CDH12: variants seen among roughly 807,000 people sequenced by gnomAD.
CDH12 encodes the protein cadherin 12.
CDH12 carries 41 observed loss-of-function variants against 74.1 expected under a neutral mutation model. That is an observed-to-expected ratio of 0.55 (90% CI 0.43 to 0.72). The LOEUF is 0.72. CDH12 is among the 30% of genes least tolerant of loss of function. The pLI, the probability that CDH12 is intolerant of heterozygous loss-of-function variation, is 0.00. For synonymous variants in CDH12, 399 were observed against 355.0 expected (o/e 1.12, Z -1.39); for missense variants, 945 against 977.2 (o/e 0.97, Z 0.44).
At chr5:22,677,785 G>A (rs1332830445) in intron 1 of CDH12, among the ~76,000 whole-genome samples, 1 of 152,054 alleles carries the variant, frequency 6.6e-6, no homozygotes, top group African/African-American at 2.4e-5. Flanking sequence ...AGTTTGGGAT[G>A]CCCACAATTC....
At chr5:22,098,960 T>C (rs1391912035) in intron 4 of CDH12, among the ~76,000 whole-genome samples, 2 of 152,156 alleles carry the variant, frequency 1.3e-5, no homozygotes, top group Non-Finnish European at 2.9e-5. Flanking sequence ...AAATAACTTC[T>C]CAGTGTTCCA....
At chr5:22,467,810 C>T (rs1342156742) in intron 2 of CDH12, among the ~76,000 whole-genome samples, 1 of 152,138 alleles carries the variant, frequency 6.6e-6, no homozygotes, top group East Asian at 1.9e-4. Context: ...TCACCAGATC[C>T]ACCTACTAAG....
At position 22,023,195 on chromosome 5, in the gene CDH12, A is replaced by G. The variant is rs543532567; in HGVS notation, c.232-47810T>C. Among the ~76,000 whole-genome samples the G allele has an allele frequency of 3.3e-5, 5 of 152,162 alleles. No individual in the cohort carries two copies. In the South Asian group the frequency reaches 1.0e-3, roughly 32 times the overall value. The stretch of plus-strand genomic sequence containing the variant: ...TGAGTATTCACATTCTCTCAAAATC[A>G]AGCTCTTCCATGACTCAGGCCCTTT... On this transcript the variant is annotated intron_variant, in intron 5 of 14. Coordinates refer to ENST00000382254, the MANE Select transcript of CDH12 (RefSeq NM_004061.5).
chr5:22,761,791 T>C (rs890236356), intron 1 of CDH12, among the ~76,000 whole-genome samples: 4 of 152,270 alleles, frequency 2.6e-5, no homozygotes, highest in African/African-American at 9.6e-5. Flanking sequence ...TTTAAGAAAA[T>C]GTATAATAAA....
At chr5:22,143,900 A>G (rs971400628) in intron 4 of CDH12, 9 of 152,398 alleles carry the variant, frequency 5.9e-5, no homozygotes, top group African/African-American at 2.2e-4. Context: ...GAGGATTTGT[A>G]AGAAACATTT....
intron 1 of CDH12, among the ~76,000 whole-genome samples, chr5:22,632,342 G>A (rs994330388): frequency 2.6e-5 from 4 of 151,740 alleles, no homozygotes; most frequent in Admixed American, 1.3e-4. Flanking sequence ...GTGAGAATGC[G>A]CTAATACATT....
chr5:21,979,244 G>A (rs1181500201), intron 5 of CDH12, among the ~76,000 whole-genome samples: 2 of 152,188 alleles, frequency 1.3e-5, no homozygotes, highest in Non-Finnish European at 2.9e-5. Flanking sequence ...GATTGAAGCA[G>A]CCAACTCCAA....
At chr5:22,642,378 C>T (rs1739197778) in intron 1 of CDH12, among the ~76,000 whole-genome samples, 1 of 152,156 alleles carries the variant, frequency 6.6e-6, no homozygotes, top group Non-Finnish European at 1.5e-5. Flanking sequence ...CTAAGTCTTT[C>T]TGCTTCATTT....
At chr5:22,831,367 G>C (rs1017973906) in intron 1 of CDH12, among the ~76,000 whole-genome samples, 3 of 133,232 alleles carry the variant, frequency 2.3e-5, no homozygotes, top group East Asian at 4.4e-4. Context: ...GTGTGTGTGT[G>C]TGTCTGTGTG....
intron 5 of CDH12, among the ~76,000 whole-genome samples, chr5:22,031,215 T>C (rs1233667306): frequency 6.6e-6 from 1 of 152,032 alleles, no homozygotes; most frequent in Non-Finnish European, 1.5e-5. Flanking sequence ...GTGCCTGTAA[T>C]ATCAGCTACT....
At chr5:22,492,068 A>G (rs1746894558) in intron 2 of CDH12, among the ~76,000 whole-genome samples, 1 of 152,100 alleles carries the variant, frequency 6.6e-6, no homozygotes, top group Non-Finnish European at 1.5e-5. Flanking sequence ...TAGCATATGA[A>G]TTTTGAGGAC....
intron 1 of CDH12, among the ~76,000 whole-genome samples, chr5:22,809,958 TA>T (rs1189217629): frequency 6.6e-6 from 1 of 152,186 alleles, no homozygotes; most frequent in Non-Finnish European, 1.5e-5. Flanking sequence ...GCTTAAACTT[TA>T]CACCATTGTA....
chr5:22,445,712 T>C (rs1474111150), intron 2 of CDH12, among the ~76,000 whole-genome samples: 1 of 151,966 alleles, frequency 6.6e-6, no homozygotes, highest in African/African-American at 2.4e-5. Context: ...GGCAGGAAAG[T>C]TTTCCTTTCA....
At chr5:22,086,058 C>T (rs988191795) in intron 4 of CDH12, among the ~76,000 whole-genome samples, 3 of 152,126 alleles carry the variant, frequency 2.0e-5, no homozygotes, top group African/African-American at 7.2e-5. Flanking sequence ...TTAAACCTAT[C>T]CCAAAATGAC....
At chr5:22,549,033 G>A (rs560041194) in intron 1 of CDH12, among the ~76,000 whole-genome samples, 149 of 152,104 alleles carry the variant, frequency 9.8e-4, no homozygotes, top group Non-Finnish European at 1.9e-3. Flanking sequence ...TTGACCTCCC[G>A]GCCTCAAGGG....
At chr5:21,975,827 G>C (rs1321330513) in intron 5 of CDH12, among the ~76,000 whole-genome samples, 7 of 151,610 alleles carry the variant, frequency 4.6e-5, no homozygotes, top group African/African-American at 7.3e-5. Flanking sequence ...TATCCCTTTG[G>C]GATAACATTT....
chr5:22,741,107 T>C (rs1170083887), intron 1 of CDH12, among the ~76,000 whole-genome samples: 1 of 152,180 alleles, frequency 6.6e-6, no homozygotes, highest in Non-Finnish European at 1.5e-5. Context: ...CAAAAGGTTA[T>C]TTCTGAAAAT....
Position 22,236,165 on chromosome 5 carries a change from T to C in CDH12, c.-332-23522A>G, listed in dbSNP as rs1752552701. Among the ~76,000 whole-genome samples the C allele has an allele frequency of 5.9e-5, 9 of 152,378 alleles. No homozygotes were observed. In the South Asian group the frequency reaches 1.9e-3, roughly 32 times the overall value. ...TGAGCAGCGAATGAATATGAAGGCC[T>C]AGGCCATTACACATGGACTTCATAA... On this transcript the variant is annotated intron_variant, in intron 3 of 14. Coordinates refer to ENST00000382254, the MANE Select transcript of CDH12 (RefSeq NM_004061.5).
chr5:21,847,899 A>G (rs1750263653), intron 7 of CDH12, among the ~76,000 whole-genome samples: 1 of 152,072 alleles, frequency 6.6e-6, no homozygotes, highest in Admixed American at 6.6e-5. Flanking sequence ...GTTTCCTCAA[A>G]TTGAATGTAT....
Sources: allele counts gnomAD v4.1 joint callset (sites outside exome capture counted in the v4.1 genomes callset), GRCh38; gene constraint gnomAD v4.1.1; transcripts MANE v1.5; gene names NCBI Gene and HGNC (gene_info 2026-07-23, HGNC 2026-07-21).